The following DCPH1 variants were observed in gnomAD, a reference collection of about 807,000 sequenced individuals.
DCPH1 encodes damage-control phosphatase 1.
the DCPH1 span, chr6:151,468,825 G>C: frequency 6.2e-7 from 1 of 1,614,208 alleles, no homozygotes; most frequent in Non-Finnish European, 8.5e-7. Flanking sequence ...CAATGCCTCA[G>C]GTTGCACCTG....
chr6:151,454,935 T>C, the DCPH1 span, among the ~76,000 whole-genome samples: 8 of 152,350 alleles, frequency 5.3e-5, no homozygotes, highest in South Asian at 2.1e-4. Flanking sequence ...AGACTTGCAA[T>C]TGACTTAGTC....
the DCPH1 span, chr6:151,458,474 T>C: frequency 6.2e-7 from 1 of 1,613,680 alleles, no homozygotes; most frequent in Non-Finnish European, 8.5e-7. Context: ...AACAGAGTCT[T>C]TTAAATGAAA....
the DCPH1 span, chr6:151,452,561 GCGTCTCTCTCAGGACAGGA>G: frequency 6.2e-7 from 1 of 1,611,770 alleles, no homozygotes; most frequent in Non-Finnish European, 8.5e-7. Context: ...TGTCGTCCCG[GCGTCTCTCTCAGGACAGGA>G]CGTGGGGTTA....
At chr6:151,455,607 T>G in the DCPH1 span, among the ~76,000 whole-genome samples, 389 of 152,380 alleles carry the variant, frequency 2.6e-3, 2 homozygotes, top group African/African-American at 9.0e-3. Context: ...AAGGCGGTTT[T>G]TCCCTATCTC....
chr6:151,459,959 C>T, the DCPH1 span, among the ~76,000 whole-genome samples: 2 of 152,112 alleles, frequency 1.3e-5, no homozygotes, highest in Non-Finnish European at 2.9e-5. Context: ...CCTATCAAGT[C>T]AGCACTAATT....
chr6:151,464,729 T>C, the DCPH1 span: 4 of 677,906 alleles, frequency 5.9e-6, no homozygotes, highest in Non-Finnish European at 9.0e-6. Flanking sequence ...GATGATTTTT[T>C]ATCTAGTGGT....
At chr6:151,457,530 A>G in the DCPH1 span, among the ~76,000 whole-genome samples, 5 of 152,182 alleles carry the variant, frequency 3.3e-5, no homozygotes, top group Non-Finnish European at 7.4e-5. Flanking sequence ...CTTTTCTTCT[A>G]TTTCTGAACC....
the DCPH1 span, among the ~76,000 whole-genome samples, chr6:151,458,058 G>T: frequency 0.11 from 16,374 of 152,124 alleles, 903 homozygotes; most frequent in Middle Eastern, 0.18. Flanking sequence ...GGAAAATCTG[G>T]CAGGGGTTCC....
the DCPH1 span, among the ~76,000 whole-genome samples, chr6:151,453,841 C>T: frequency 6.6e-6 from 1 of 152,060 alleles, no homozygotes; most frequent in Admixed American, 6.5e-5. Context: ...TCAAGAATAT[C>T]TTTAATTTTT....
At chr6:151,466,279 C>T in the DCPH1 span, among the ~76,000 whole-genome samples, 1 of 150,472 alleles carries the variant, frequency 6.6e-6, no homozygotes, top group African/African-American at 2.4e-5. Flanking sequence ...CTGCCTTATG[C>T]TTAGCCTTGG....
chr6:151,454,494 A>C, the DCPH1 span: 1 of 820,878 alleles, frequency 1.2e-6, no homozygotes, highest in Admixed American at 2.2e-5. Flanking sequence ...AAAGATAGCC[A>C]GTCTTCTAGT....
the DCPH1 span, among the ~76,000 whole-genome samples, chr6:151,458,056 T>TGGC: frequency 6.6e-6 from 1 of 152,214 alleles, no homozygotes; most frequent in African/African-American, 2.4e-5. Flanking sequence ...ATGGAAAATC[T>TGGC]GGCAGGGGTT....
chr6:151,469,997 A>G, the DCPH1 span: 1 of 152,224 alleles, frequency 6.6e-6, no homozygotes, highest in Non-Finnish European at 1.5e-5. Flanking sequence ...TGTCACAGAT[A>G]GTAAATACTA....
chr6:151,452,470 C>G, the DCPH1 span: 2 of 1,536,736 alleles, frequency 1.3e-6, no homozygotes, highest in Middle Eastern at 1.7e-4. Flanking sequence ...TTCTCAGCTC[C>G]TCCTTCGCGG....
chr6:151,458,265 T>TA, the DCPH1 span: 1 of 1,527,776 alleles, frequency 6.5e-7, no homozygotes, highest in Non-Finnish European at 8.8e-7. Context: ...AAAAATATGT[T>TA]ACCCTAGAGG....
chr6:151,457,229 T>C, the DCPH1 span, among the ~76,000 whole-genome samples: 1 of 152,170 alleles, frequency 6.6e-6, no homozygotes, highest in Non-Finnish European at 1.5e-5. Flanking sequence ...CAGATGTGTG[T>C]CTCTTGGAGA....
the DCPH1 span, among the ~76,000 whole-genome samples, chr6:151,464,248 T>G: frequency 6.6e-6 from 1 of 150,792 alleles, no homozygotes; most frequent in East Asian, 2.0e-4. Flanking sequence ...ATTTGGGAAC[T>G]TTTTTGACAA....
At chr6:151,458,084 A>G in the DCPH1 span, among the ~76,000 whole-genome samples, 3 of 152,190 alleles carry the variant, frequency 2.0e-5, no homozygotes, top group Non-Finnish European at 4.4e-5. Flanking sequence ...CTCTGTGGTA[A>G]TGGTCATCCC....
chr6:151,456,573 G>T, the DCPH1 span, among the ~76,000 whole-genome samples: 1 of 152,180 alleles, frequency 6.6e-6, no homozygotes, highest in Admixed American at 6.5e-5. Flanking sequence ...TATCACACAA[G>T]TATAATTTAG....
Sources: allele counts gnomAD v4.1 joint callset (sites outside exome capture counted in the v4.1 genomes callset), GRCh38; gene constraint gnomAD v4.1.1; transcripts MANE v1.5; gene names NCBI Gene and HGNC (gene_info 2026-07-23, HGNC 2026-07-21).